Variants in CACNG6 observed in about 807,000 individuals in gnomAD.
CACNG6 encodes voltage-dependent calcium channel gamma-6 subunit.
In CACNG6, 21 loss-of-function variants were observed where a neutral mutation model predicts 23.9. The observed-to-expected ratio is 0.88, with a 90% CI of 0.62 to 1.26. The LOEUF (loss-of-function observed/expected upper bound fraction) is 1.26, where lower values mean the gene tolerates loss of function less well. CACNG6 is among the 50% of genes most tolerant of loss of function. The pLI is 0.00. For synonymous variants in CACNG6, 182 were observed against 168.9 expected, an observed-to-expected ratio of 1.08 and a Z score of -0.60; for missense variants, 340 against 352.9, an observed-to-expected ratio of 0.96 and a Z score of 0.29.
In CACNG6 at chr19:54,001,613, A is replaced by G. The variant is rs1377510509; in HGVS notation, c.544+1842A>G. ...CAAGCTACAAATTCCATGAAAACAG[A>G]CATCATCTTTATCTTTTTCATCGTT... is the stretch of plus-strand genomic sequence containing the variant. On this transcript the variant is annotated intron_variant, in intron 3 of 3. Coordinates refer to ENST00000252729, the MANE Select transcript of CACNG6 (RefSeq NM_145814.2). Among the ~76,000 whole-genome samples the G allele has an allele frequency of 6.6e-5, 10 of 152,356 alleles. No individual in the cohort carries two copies. The South Asian group carries it at 2.1e-3, about 32-fold the overall frequency.
intron 3 of CACNG6, among the ~76,000 whole-genome samples, chr19:54,007,056 T>C (rs1440386608): frequency 6.6e-6 from 1 of 151,980 alleles, no homozygotes; most frequent in Non-Finnish European, 1.5e-5. Flanking sequence ...GTTTGTTTTG[T>C]TTTGTTTTTT....
At chr19:54,011,227 T>TATATACACACACACACACAC (rs1442985544) in intron 3 of CACNG6, among the ~76,000 whole-genome samples, 6 of 95,290 alleles carry the variant, frequency 6.3e-5, no homozygotes, top group African/African-American at 3.5e-4. Flanking sequence ...TATATATATA[T>TATATACACACACACACACAC]ACACACACAC....
chr19:53,991,314 C>T (rs966431782), upstream of CACNG6, among the ~76,000 whole-genome samples: 1 of 152,076 alleles, frequency 6.6e-6, no homozygotes, highest in Admixed American at 6.5e-5. Context: ...GCCCTGCCTC[C>T]CGCCCCTCCT....
chr19:54,003,540 T>A (rs902435591), intron 3 of CACNG6, among the ~76,000 whole-genome samples: 1 of 152,018 alleles, frequency 6.6e-6, no homozygotes, highest in Non-Finnish European at 1.5e-5. Flanking sequence ...TTTGTATTTT[T>A]AATAGAGACT....
chr19:53,996,397 C>CTTTT (rs200138254), intron 1 of CACNG6, among the ~76,000 whole-genome samples: 2 of 112,180 alleles, frequency 1.8e-5, no homozygotes, highest in Non-Finnish European at 1.9e-5. Context: ...TTCTCTCTCT[C>CTTTT]TCTTTTTTTT....
chr19:54,001,779 G>C (rs543367797), intron 3 of CACNG6, among the ~76,000 whole-genome samples: 1 of 152,206 alleles, frequency 6.6e-6, no homozygotes, highest in African/African-American at 2.4e-5. Context: ...AGAGAGACAG[G>C]GAGACTGGTG....
rs764488922 is a variant in CACNG6 at position 54,012,197 on chromosome 19, C to G, written c.*8C>G. ...GGGCACCGGGCCACCTAGAGCCACGCGTGAGACTTCTCTAAGCAACCACCG... is the reference window on the plus strand; with the variant it reads ...GGGCACCGGGCCACCTAGAGCCACGGGTGAGACTTCTCTAAGCAACCACCG... On this transcript the variant is annotated 3_prime_UTR_variant, in exon 4 of 4. Transcript: ENST00000252729. 4.3e-5 allele frequency: 53 copies of G among 1,231,560 alleles called. No homozygotes were observed. Among genetic ancestry groups the G allele is most frequent in the Non-Finnish European group, 5.4e-5 (49 of 913,840 alleles). The allele number at this position is 1,231,560 out of a possible 1,614,324, so 76.3% of individuals were successfully genotyped here.
At chr19:53,996,803 A>G (rs2069525388) in intron 1 of CACNG6, among the ~76,000 whole-genome samples, 1 of 147,834 alleles carries the variant, frequency 6.8e-6, no homozygotes, top group Admixed American at 6.7e-5. Context: ...ATATAGTGTT[A>G]GTTTATATGT....
intron 3 of CACNG6, 56 bp downstream of exon 3, chr19:53,999,827 C>G: frequency 6.3e-7 from 1 of 1,595,100 alleles, no homozygotes; most frequent in Non-Finnish European, 8.5e-7. Flanking sequence ...GATCTCCAGG[C>G]ACTGTTGCAT....
chr19:53,998,446 C>T, intron 2 of CACNG6, 133 bp downstream of exon 2: 2 of 695,502 alleles, frequency 2.9e-6, no homozygotes, highest in Non-Finnish European at 4.9e-6. Context: ...TGTGGCTGTC[C>T]CCTGGGGAGT....
chr19:54,008,032 A>G lies in CACNG6; in HGVS notation c.545-3919A>G, dbSNP rs552324633. Among the ~76,000 whole-genome samples, 12 of 152,290 alleles carry G rather than the reference A, an allele frequency of 7.9e-5. No individual in the cohort carries two copies. In the South Asian group the frequency reaches 2.5e-3, roughly 32 times the overall value. On this transcript the variant is annotated intron_variant, in intron 3 of 3. Coordinates refer to ENST00000252729, the MANE Select transcript of CACNG6 (RefSeq NM_145814.2). Reference sequence around the variant, plus strand: ...AAAGAAGGGGCTTTTAAATCACAGCATCCTGGCTGCATTCTCCAGGCCCTG... The same window carrying G: ...AAAGAAGGGGCTTTTAAATCACAGCGTCCTGGCTGCATTCTCCAGGCCCTG...
intron 3 of CACNG6, among the ~76,000 whole-genome samples, chr19:54,001,510 T>C (rs1438885950): frequency 6.6e-6 from 1 of 152,208 alleles, no homozygotes; most frequent in Admixed American, 6.5e-5. Context: ...AAAACACTTT[T>C]ATATCAACAC....
intron 3 of CACNG6, among the ~76,000 whole-genome samples, chr19:54,004,335 T>TGTGTGTGTG (rs1411422394): frequency 1.5e-4 from 16 of 107,270 alleles, no homozygotes; most frequent in African/African-American, 5.2e-4. Flanking sequence ...TTTTGTATTT[T>TGTGTGTGTG]TGTGTGTGTG....
chr19:54,007,771 A>AC (rs5828565), intron 3 of CACNG6, among the ~76,000 whole-genome samples: 111,776 of 151,616 alleles, frequency 0.74, 41,688 homozygotes, highest in East Asian at 0.95. Flanking sequence ...GCAGCTTGCG[A>AC]TGTAGTCCCA....
intron 3 of CACNG6, among the ~76,000 whole-genome samples, chr19:54,006,843 T>TTTG (rs1397009919): frequency 0.13 from 2,062 of 15,666 alleles, 32 homozygotes; most frequent in East Asian, 0.51. Context: ...CCTTCTTTTT[T>TTTG]TTATTTTGTT....
intron 1 of CACNG6, among the ~76,000 whole-genome samples, chr19:53,995,130 T>G (rs2069507736): frequency 6.6e-6 from 1 of 152,036 alleles, no homozygotes; most frequent in South Asian, 2.1e-4. Context: ...CTTGGTTGCC[T>G]CTCTTCTCAA....
chr19:54,003,958 A>G (rs189003536), intron 3 of CACNG6, among the ~76,000 whole-genome samples: 1 of 152,218 alleles, frequency 6.6e-6, no homozygotes, highest in Non-Finnish European at 1.5e-5. Context: ...CCTGGGCTCA[A>G]GCAATCCTCC....
In CACNG6 at chr19:54,002,277, TTTTTTTG is replaced by T. The variant is rs1020098939; in HGVS notation, c.544+2513_544+2519del. On this transcript the variant is annotated intron_variant, in intron 3 of 3. Transcript: ENST00000252729. ...CCCGGCTAATTTTCGGTTTTTTTGT[TTTTTTTG>T]TTTTTTTTTTTTTTGTAGAGATAGG... Among the ~76,000 whole-genome samples, 118 of 138,598 alleles carry T rather than the reference TTTTTTTG, an allele frequency of 8.5e-4. 1 individual carries two copies. The highest frequency in any genetic ancestry group is 5.8e-3 in the East Asian group (28 of 4,850). The allele number at this position is 138,598 out of a possible 152,430, so 90.9% of individuals were successfully genotyped here. A position where few individuals can be genotyped will look rare whatever the true frequency, so the allele number is the denominator to read the frequency against.
chr19:54,009,918 C>T (rs962481684), intron 3 of CACNG6, among the ~76,000 whole-genome samples: 5 of 146,682 alleles, frequency 3.4e-5, no homozygotes, highest in East Asian at 3.9e-4. Context: ...AGCGAAACTC[C>T]GTCTCAAAAA....
Sources: allele counts gnomAD v4.1 joint callset (sites outside exome capture counted in the v4.1 genomes callset), GRCh38; gene constraint gnomAD v4.1.1; transcripts MANE v1.5; gene names NCBI Gene and HGNC (gene_info 2026-07-23, HGNC 2026-07-21).